WDR70: variants seen among roughly 807,000 people sequenced by gnomAD.
WDR70 encodes WD repeat-containing protein 70.
A neutral mutation model predicts 88.6 loss-of-function variants in WDR70; 53 were observed. That is an observed-to-expected ratio of 0.60 (90% CI 0.48 to 0.75). WDR70 has a LOEUF of 0.75. Among genes scored for constraint, WDR70 ranks in the 30% least tolerant of loss-of-function variants. WDR70 has a pLI of 0.00. For synonymous variants in WDR70, 280 were observed against 270.0 expected (o/e 1.04, Z -0.36); for missense variants, 610 against 823.2 (o/e 0.74, Z 3.17).
intron 9 of WDR70, among the ~76,000 whole-genome samples, chr5:37,526,067 G>A (rs1741259438): frequency 6.6e-6 from 1 of 152,178 alleles, no homozygotes; most frequent in Admixed American, 6.5e-5. Flanking sequence ...AGGAGGAGCT[G>A]GTACCATTCC....
At chr5:37,619,231 T>C (rs957274749) in intron 10 of WDR70, among the ~76,000 whole-genome samples, 2 of 151,978 alleles carry the variant, frequency 1.3e-5, no homozygotes, top group African/African-American at 4.8e-5. Flanking sequence ...ATTTTATTAT[T>C]ATCTGGTATC....
chr5:37,563,221 A>T (rs1742583044), intron 9 of WDR70, among the ~76,000 whole-genome samples: 3 of 62,266 alleles, frequency 4.8e-5, no homozygotes, highest in African/African-American at 1.4e-4. Flanking sequence ...GGCCGGGCAG[A>T]GGGGCTCCTC....
rs367631043 is a variant in WDR70, at chr5:37,429,947, C to T, written c.493-7975C>T. ...AGATTAGTTTTGAGAGCCTTACTTTCCTAACAATATTAAGTTTTCCAATCC... is the reference window on the plus strand; with the variant it reads ...AGATTAGTTTTGAGAGCCTTACTTTTCTAACAATATTAAGTTTTCCAATCC... On this transcript the variant is annotated intron_variant, in intron 5 of 17. Coordinates refer to ENST00000265107, the MANE Select transcript of WDR70 (RefSeq NM_018034.4). 1.5e-3 allele frequency among the ~76,000 whole-genome samples: 223 copies of T among 152,286 alleles called. 3 individuals carry two copies. Among genetic ancestry groups the T allele is most frequent in the African/African-American group, 5.2e-3 (215 of 41,560 alleles).
intron 13 of WDR70, among the ~76,000 whole-genome samples, chr5:37,719,891 G>C (rs949237023): frequency 5.4e-5 from 8 of 147,726 alleles, no homozygotes; most frequent in Non-Finnish European, 1.0e-4. Flanking sequence ...CACCCAGGCT[G>C]GAATGCAGTG....
At chr5:37,682,378 G>T (rs1403948960) in intron 10 of WDR70, among the ~76,000 whole-genome samples, 2 of 151,750 alleles carry the variant, frequency 1.3e-5, no homozygotes, top group African/African-American at 4.8e-5. Context: ...CCAACTCTTA[G>T]ATTCATTGAT....
intron 8 of WDR70, among the ~76,000 whole-genome samples, chr5:37,496,436 C>T (rs1230546342): frequency 2.0e-5 from 3 of 152,128 alleles, no homozygotes; most frequent in Non-Finnish European, 4.4e-5. Context: ...ACTCCAGACA[C>T]GTCTGAACAT....
At chr5:37,709,896 T>C (rs4594879) in intron 13 of WDR70, among the ~76,000 whole-genome samples, 36,564 of 152,074 alleles carry the variant, frequency 0.24, 5,087 homozygotes, top group Admixed American at 0.38. Flanking sequence ...ACATATAATT[T>C]AAATGGGAAT....
At chr5:37,395,997 T>C (rs59468995) in intron 4 of WDR70, among the ~76,000 whole-genome samples, 19,478 of 152,034 alleles carry the variant, frequency 0.13, 4,107 homozygotes, top group African/African-American at 0.44. Flanking sequence ...CAGGGTCTCG[T>C]GATGTTTCCC....
At chr5:37,627,679 T>G (rs1012603443) in intron 10 of WDR70, among the ~76,000 whole-genome samples, 1 of 152,260 alleles carries the variant, frequency 6.6e-6, no homozygotes, top group African/African-American at 2.4e-5. Flanking sequence ...ATTTTGAGTT[T>G]AACCTGTTGG....
In WDR70 at chr5:37,697,733, A is replaced by C. The variant is rs749067997; in HGVS notation, c.1171A>C (p.Asn391His). The C allele has an allele frequency of 5.6e-6, 9 of 1,613,560 alleles. No individual in the cohort carries two copies. In the African/African-American group the frequency reaches 1.2e-4, roughly 22 times the overall value. The stretch of plus-strand genomic sequence containing the variant: ...TTGCGTGACTTTTTCCTATGATGGT[A>C]ATGTCCTTGCCTCTCGTGGAGGTAG... Reference protein sequence around the residue: ...TSCVTFSYDGNVLASRGGDDS... With the variant: ...TSCVTFSYDGHVLASRGGDDS... The change falls in exon 11 of 18, where the codon AAT becomes CAT. Residue 391 changes from asparagine to histidine, a missense_variant. Transcript: ENST00000265107.
Position 37,680,780 on chromosome 5 carries a change from G to A in WDR70, c.1093-16875G>A, listed in dbSNP as rs189683756. On this transcript the variant is annotated intron_variant, in intron 10 of 17. Transcript: ENST00000265107. ...TACGTGTCTGTTCTTGTACCAGTAC[G>A]ATGCTATTTTGGTTACTGTTACCCT... 2.4e-4 allele frequency among the ~76,000 whole-genome samples: 37 copies of A among 152,160 alleles called. 1 individual carries two copies. In the East Asian group the frequency reaches 3.7e-3, roughly 15 times the overall value.
intron 13 of WDR70, among the ~76,000 whole-genome samples, chr5:37,704,168 C>T (rs138067104): frequency 4.9e-4 from 75 of 152,274 alleles, no homozygotes; most frequent in Non-Finnish European, 7.5e-4. Context: ...AATCTCATGA[C>T]GTAATTTGAA....
chr5:37,597,702 A>T (rs569011119), intron 9 of WDR70, among the ~76,000 whole-genome samples: 3 of 151,996 alleles, frequency 2.0e-5, no homozygotes, highest in Admixed American at 6.6e-5. Flanking sequence ...TCTCCTTTTC[A>T]CTATGCAGGC....
intron 10 of WDR70, among the ~76,000 whole-genome samples, chr5:37,608,106 A>G (rs963160380): frequency 1.4e-5 from 2 of 147,836 alleles, no homozygotes; most frequent in African/African-American, 2.5e-5. Flanking sequence ...CAGTGGCACA[A>G]TCTTGGCTCA....
intron 5 of WDR70, among the ~76,000 whole-genome samples, chr5:37,419,212 C>CTT (rs552848123): frequency 4.1e-5 from 6 of 144,912 alleles, no homozygotes; most frequent in African/African-American, 1.5e-4. Context: ...TAAAGTGTTT[C>CTT]TTTTTTTTTT....
chr5:37,608,215 T>C (rs1744090393), intron 10 of WDR70, among the ~76,000 whole-genome samples: 1 of 151,968 alleles, frequency 6.6e-6, no homozygotes, highest in Admixed American at 6.6e-5. Context: ...CTAATTTTTG[T>C]ATTTTTAGTA....
At chr5:37,607,255 A>C (rs76222736) in intron 10 of WDR70, among the ~76,000 whole-genome samples, 3 of 151,920 alleles carry the variant, frequency 2.0e-5, no homozygotes, top group Admixed American at 2.0e-4. Context: ...ATTTTTAAAA[A>C]ATTTCTTAAC....
chr5:37,411,599 A>G (rs1351451054), intron 5 of WDR70, among the ~76,000 whole-genome samples: 1 of 152,098 alleles, frequency 6.6e-6, no homozygotes, highest in Non-Finnish European at 1.5e-5. Flanking sequence ...GTTGGCACGC[A>G]CCTGTAATTC....
chr5:37,574,033 A>G (rs1742986008), intron 9 of WDR70, among the ~76,000 whole-genome samples: 1 of 152,216 alleles, frequency 6.6e-6, no homozygotes, highest in Non-Finnish European at 1.5e-5. Context: ...CAAGAGGAGC[A>G]AAGCAAGATT....
Sources: allele counts gnomAD v4.1 joint callset (sites outside exome capture counted in the v4.1 genomes callset), GRCh38; gene constraint gnomAD v4.1.1; transcripts MANE v1.5; gene names NCBI Gene and HGNC (gene_info 2026-07-23, HGNC 2026-07-21).